The following CFAP299 variants were observed in gnomAD, a reference collection of about 807,000 sequenced individuals.
CFAP299 encodes cilia and flagella associated protein 299, also known as cilia- and flagella-associated protein 299.
In CFAP299, 21 loss-of-function variants were observed where a neutral mutation model predicts 27.0. The ratio of observed to expected loss-of-function variants is 0.78; its 90% CI spans 0.55 to 1.12. The LOEUF is 1.12. CFAP299 is among the 50% of genes most tolerant of loss of function. CFAP299 has a pLI of 0.00. For missense variants in CFAP299, 310 were observed against 276.6 expected, an observed-to-expected ratio of 1.12 and a Z score of -0.86; for synonymous variants, 104 against 98.1, an observed-to-expected ratio of 1.06 and a Z score of -0.36.
chr4:80,414,888 G>A (rs1726924082), intron 2 of CFAP299, among the ~76,000 whole-genome samples: 1 of 152,184 alleles, frequency 6.6e-6, no homozygotes, highest in Admixed American at 6.5e-5. Flanking sequence ...TATGTGAAAA[G>A]ATTCATACAC....
intron 2 of CFAP299, among the ~76,000 whole-genome samples, chr4:80,526,940 T>C (rs1733214814): frequency 6.6e-6 from 1 of 152,028 alleles, no homozygotes. Flanking sequence ...AAAAGAAAAA[T>C]CTCTTTCTAG....
intron 2 of CFAP299, among the ~76,000 whole-genome samples, chr4:80,418,970 C>T (rs1727154802): frequency 6.6e-6 from 1 of 152,140 alleles, no homozygotes; most frequent in East Asian, 1.9e-4. Flanking sequence ...GTGCAGATAT[C>T]TCTTTGATAT....
intron 2 of CFAP299, among the ~76,000 whole-genome samples, chr4:80,365,234 C>A (rs929365575): frequency 2.0e-5 from 3 of 152,154 alleles, no homozygotes; most frequent in Admixed American, 6.5e-5. Context: ...GTTCCTTTTT[C>A]TCCACAACCT....
chr4:80,859,103 G>T lies in CFAP299; in HGVS notation c.334-10890G>T, dbSNP rs543028628. ...GTGAATCTGGGTGCTCCTGTATTGG[G>T]TGCATATATATTTAGGATAGTTAGC... On this transcript the variant is annotated intron_variant, in intron 3 of 5. Transcript: ENST00000358105. Among the ~76,000 whole-genome samples the T allele has an allele frequency of 1.3e-3, 204 of 152,246 alleles. 1 individual carries two copies. Among genetic ancestry groups the T allele is most frequent in the Middle Eastern group, 6.8e-3 (2 of 294 alleles).
intron 3 of CFAP299, among the ~76,000 whole-genome samples, chr4:80,679,105 G>A (rs1719664180): frequency 6.6e-6 from 1 of 151,960 alleles, no homozygotes; most frequent in Non-Finnish European, 1.5e-5. Context: ...CCTCTAGGCT[G>A]CTCTTCATCT....
At chr4:80,450,975 C>T (rs1487052769) in intron 2 of CFAP299, among the ~76,000 whole-genome samples, 1 of 151,504 alleles carries the variant, frequency 6.6e-6, no homozygotes, top group Admixed American at 6.6e-5. Context: ...TTGTACCCAG[C>T]CCTGTAGGTA....
chr4:80,889,365 T>C (rs960873398), intron 4 of CFAP299, among the ~76,000 whole-genome samples: 1 of 151,722 alleles, frequency 6.6e-6, no homozygotes, highest in Non-Finnish European at 1.5e-5. Flanking sequence ...TGCCTATACA[T>C]TGAAAAACCT....
chr4:80,713,731 G>A (rs1012447353), intron 3 of CFAP299, among the ~76,000 whole-genome samples: 6 of 152,126 alleles, frequency 3.9e-5, no homozygotes, highest in Admixed American at 1.3e-4. Flanking sequence ...TTAGAGCTAT[G>A]GCCTTATTCA....
chr4:80,673,486 G>A (rs1264610432), intron 3 of CFAP299, among the ~76,000 whole-genome samples: 1 of 151,912 alleles, frequency 6.6e-6, no homozygotes, highest in Non-Finnish European at 1.5e-5. Context: ...TATATATTCT[G>A]TTGATTTGAG....
intron 5 of CFAP299, among the ~76,000 whole-genome samples, chr4:80,960,651 A>G (rs754092422): frequency 2.6e-5 from 4 of 151,906 alleles, no homozygotes; most frequent in Admixed American, 2.0e-4. Context: ...ACAAAAGGAC[A>G]TAGACAGTGG....
At chr4:80,917,948 G>C (rs1178669378) in intron 4 of CFAP299, among the ~76,000 whole-genome samples, 1 of 152,276 alleles carries the variant, frequency 6.6e-6, no homozygotes, top group South Asian at 2.1e-4. Flanking sequence ...TGTAGATATA[G>C]AAATCATTTG....
intron 3 of CFAP299, among the ~76,000 whole-genome samples, chr4:80,616,659 A>G (rs1738302728): frequency 6.6e-6 from 1 of 152,060 alleles, no homozygotes; most frequent in Non-Finnish European, 1.5e-5. Context: ...CTAAGCATGT[A>G]TATTTAGATT....
At position 80,956,002 on chromosome 4, in the gene CFAP299, T is replaced by G. The variant is rs913403946; in HGVS notation, c.607-7515T>G. Among the ~76,000 whole-genome samples the G allele has an allele frequency of 9.2e-5, 14 of 152,220 alleles. No individual in the cohort carries two copies. The South Asian group carries it at 2.7e-3, about 29-fold the overall frequency. On this transcript the variant is annotated intron_variant, in intron 5 of 5. Coordinates refer to ENST00000358105, the MANE Select transcript of CFAP299 (RefSeq NM_152770.3). Reference sequence around the variant, plus strand: ...CTGGGGGAAAGAATGAGACTTCATCTCAAAAAAAGAATGTACATAATATTC... The same window carrying G: ...CTGGGGGAAAGAATGAGACTTCATCGCAAAAAAAGAATGTACATAATATTC...
At chr4:80,805,524 C>A (rs1728819557) in intron 3 of CFAP299, among the ~76,000 whole-genome samples, 1 of 152,004 alleles carries the variant, frequency 6.6e-6, no homozygotes, top group Non-Finnish European at 1.5e-5. Flanking sequence ...TAGTAGTACA[C>A]TAAAACTCTT....
chr4:80,776,711 C>A (rs1284745217), intron 3 of CFAP299, among the ~76,000 whole-genome samples: 1 of 151,874 alleles, frequency 6.6e-6, no homozygotes, highest in Non-Finnish European at 1.5e-5. Context: ...ATGTAACAAA[C>A]CTGCATGTTC....
chr4:80,914,507 A>T (rs1324658981), intron 4 of CFAP299, among the ~76,000 whole-genome samples: 1 of 152,146 alleles, frequency 6.6e-6, no homozygotes, highest in African/African-American at 2.4e-5. Flanking sequence ...CCCTCCAGTT[A>T]TAACAACCCA....
At chr4:80,488,022 A>G (rs1281837850) in intron 2 of CFAP299, among the ~76,000 whole-genome samples, 1 of 152,212 alleles carries the variant, frequency 6.6e-6, no homozygotes, top group African/African-American at 2.4e-5. Context: ...CATGACCACA[A>G]ATAGGCTTGA....
intron 2 of CFAP299, among the ~76,000 whole-genome samples, chr4:80,434,036 G>A (rs1578437945): frequency 1.3e-5 from 2 of 152,012 alleles, no homozygotes; most frequent in African/African-American, 4.8e-5. Context: ...CCAAATGCCT[G>A]TTATGTATCA....
At position 80,911,689 on chromosome 4, in the gene CFAP299, A is replaced by T. The variant is rs560054277; in HGVS notation, c.477-33121A>T. Among the ~76,000 whole-genome samples, 22 of 152,260 alleles carry T rather than the reference A, an allele frequency of 1.4e-4. No homozygotes were observed. In the East Asian group the frequency reaches 4.2e-3, roughly 29 times the overall value. On this transcript the variant is annotated intron_variant, in intron 4 of 5. Transcript: ENST00000358105. ...TGTCACACTGAAGTACATCACATTG[A>T]CCTCAAAAGCCATACCACACATCAG... is the stretch of plus-strand genomic sequence containing the variant.
Sources: gnomAD v4.1 joint callset for allele counts (sites outside exome capture counted in the v4.1 genomes callset) on GRCh38, gnomAD v4.1.1 for gene constraint, MANE v1.5 for transcripts, NCBI Gene and HGNC (gene_info 2026-07-23, HGNC 2026-07-21) for gene names.